The following CNTN3 variants were observed in gnomAD, a reference collection of about 807,000 sequenced individuals.
The protein encoded by CNTN3 is contactin-3.
In CNTN3, 60 loss-of-function variants were observed where a neutral mutation model predicts 119.1. The observed-to-expected ratio is 0.50, with a 90% confidence interval of 0.41 to 0.62. The LOEUF (loss-of-function observed/expected upper bound fraction) is 0.62, where lower values mean the gene tolerates loss of function less well. Ranked by LOEUF, CNTN3 falls within the 20% of genes least tolerant of loss-of-function variation. The probability of loss-of-function intolerance (pLI) is 0.00; values close to 1 mark genes in which losing one functional copy is unlikely to be tolerated. For synonymous variants in CNTN3, 450 were observed against 438.7 expected (o/e 1.03, Z -0.32); for missense variants, 1,101 against 1,242.4 (o/e 0.89, Z 1.71).
intron 1 of CNTN3, among the ~76,000 whole-genome samples, chr3:74,560,207 A>G (rs2107172829): frequency 6.6e-6 from 1 of 152,290 alleles, no homozygotes; most frequent in South Asian, 2.1e-4. Flanking sequence ...CATCTCTAGA[A>G]CAGGAATAAC....
intron 1 of CNTN3, among the ~76,000 whole-genome samples, chr3:74,541,447 C>T (rs1003159677): frequency 6.6e-5 from 10 of 151,884 alleles, no homozygotes; most frequent in Non-Finnish European, 1.3e-4. Flanking sequence ...TCTACCTATT[C>T]AAAACTCAAA....
chr3:74,300,253 T>C (rs1178631994), intron 16 of CNTN3, among the ~76,000 whole-genome samples: 1 of 152,166 alleles, frequency 6.6e-6, no homozygotes, highest in Non-Finnish European at 1.5e-5. Context: ...CTGGAGATGA[T>C]GGGAAATCAA....
intron 4 of CNTN3, among the ~76,000 whole-genome samples, chr3:74,433,299 G>C (rs7635594): frequency 6.6e-6 from 1 of 152,010 alleles, no homozygotes; most frequent in Admixed American, 6.6e-5. Flanking sequence ...CTGTCTACCC[G>C]CTCTGCAAAT....
At chr3:74,446,419 T>C (rs1256853389) in intron 4 of CNTN3, among the ~76,000 whole-genome samples, 1 of 152,176 alleles carries the variant, frequency 6.6e-6, no homozygotes, top group East Asian at 1.9e-4. Context: ...TGTGTGTGTG[T>C]GTAGAAAGGA....
chr3:74,486,781 G>T, intron 3 of CNTN3, 150 bp from the exon 4 acceptor site: 1 of 625,828 alleles, frequency 1.6e-6, no homozygotes, highest in Non-Finnish European at 2.5e-6. Context: ...GATCAAATAT[G>T]CCCAAGTATT....
chr3:74,357,529 C>T (rs1168333222), intron 11 of CNTN3, among the ~76,000 whole-genome samples: 8 of 151,578 alleles, frequency 5.3e-5, no homozygotes, highest in African/African-American at 7.3e-5. Flanking sequence ...GTGATCCACC[C>T]GCCTTGGCCT....
At chr3:74,302,914 G>C (rs1702488155) in intron 13 of CNTN3, 107 bp from the exon 14 acceptor site, 1 of 654,806 alleles carries the variant, frequency 1.5e-6, no homozygotes, top group Non-Finnish European at 2.7e-6. Flanking sequence ...ACTATATTTA[G>C]GGAGCAAACC....
intron 11 of CNTN3, among the ~76,000 whole-genome samples, chr3:74,345,806 T>C (rs1232688017): frequency 2.0e-5 from 3 of 152,226 alleles, no homozygotes; most frequent in African/African-American, 4.8e-5. Flanking sequence ...TTTTTCTCTG[T>C]TCATTTGTTA....
intron 1 of CNTN3, among the ~76,000 whole-genome samples, chr3:74,585,583 T>C (rs1432451006): frequency 6.6e-6 from 1 of 152,136 alleles, no homozygotes; most frequent in Non-Finnish European, 1.5e-5. Context: ...AAATATCTTA[T>C]AAAGTAATAT....
At chr3:74,597,000 C>A (rs1424236263) in intron 1 of CNTN3, among the ~76,000 whole-genome samples, 1 of 152,036 alleles carries the variant, frequency 6.6e-6, no homozygotes, top group Non-Finnish European at 1.5e-5. Flanking sequence ...GGATCCCTCC[C>A]ATGTTCCTAA....
intron 4 of CNTN3, among the ~76,000 whole-genome samples, chr3:74,481,592 C>T (rs1050374417): frequency 6.6e-6 from 1 of 151,848 alleles, no homozygotes; most frequent in Non-Finnish European, 1.5e-5. Context: ...TCTTTGAATA[C>T]AGCTAAAACT....
chr3:74,304,321 G>A (rs1702517282), intron 13 of CNTN3, among the ~76,000 whole-genome samples: 1 of 152,070 alleles, frequency 6.6e-6, no homozygotes, highest in Admixed American at 6.6e-5. Context: ...TTCTCCTAGG[G>A]TTATTTAGAA....
intron 1 of CNTN3, among the ~76,000 whole-genome samples, chr3:74,545,690 T>A (rs1703903951): frequency 6.6e-6 from 1 of 152,220 alleles, no homozygotes; most frequent in Non-Finnish European, 1.5e-5. Context: ...AAATTTACTT[T>A]CTTAGGGGTA....
At chr3:74,347,774 C>A (rs1205391941) in intron 11 of CNTN3, among the ~76,000 whole-genome samples, 1 of 152,092 alleles carries the variant, frequency 6.6e-6, no homozygotes, top group African/African-American at 2.4e-5. Flanking sequence ...ATTTCTCAAC[C>A]CTCTTGCCCC....
intron 4 of CNTN3, among the ~76,000 whole-genome samples, chr3:74,463,897 G>A (rs1345539091): frequency 6.6e-6 from 1 of 152,078 alleles, no homozygotes; most frequent in Non-Finnish European, 1.5e-5. Context: ...AATAAATGGT[G>A]GTTAGTAGCC....
chr3:74,556,903 T>G (rs189642996), intron 1 of CNTN3, among the ~76,000 whole-genome samples: 1 of 152,202 alleles, frequency 6.6e-6, no homozygotes, highest in Non-Finnish European at 1.5e-5. Flanking sequence ...AGGTCAACCA[T>G]GTTTTCATGT....
intron 13 of CNTN3, among the ~76,000 whole-genome samples, chr3:74,312,455 CAAAAA>C (rs745514119): frequency 1.4e-4 from 4 of 27,804 alleles, no homozygotes; most frequent in South Asian, 2.1e-3. Context: ...GACTCCATCT[CAAAAA>C]AAAAAAAAAA....
At chr3:74,395,824 A>G (rs576704497) in intron 5 of CNTN3, among the ~76,000 whole-genome samples, 164 of 151,806 alleles carry the variant, frequency 1.1e-3, no homozygotes, top group African/African-American at 3.9e-3. Context: ...CATTGGCACC[A>G]TTTTCCCTAC....
At chr3:74,570,459 G>T (rs1704295000) in intron 1 of CNTN3, among the ~76,000 whole-genome samples, 1 of 148,654 alleles carries the variant, frequency 6.7e-6, no homozygotes, top group East Asian at 2.0e-4. Flanking sequence ...ACCCTCGTTG[G>T]TCTTAGAGAA....
Sources: allele counts gnomAD v4.1 joint callset (sites outside exome capture counted in the v4.1 genomes callset), GRCh38; gene constraint gnomAD v4.1.1; transcripts MANE v1.5; gene names NCBI Gene and HGNC (gene_info 2026-07-23, HGNC 2026-07-21).